PLEKHA5: variants seen among roughly 807,000 people sequenced by gnomAD.
PLEKHA5 encodes the protein pleckstrin homology domain-containing family A member 5.
PLEKHA5 carries 55 observed loss-of-function variants against 181.9 expected under a neutral mutation model. The observed-to-expected ratio is 0.30, with a 90% confidence interval of 0.24 to 0.38. The LOEUF is 0.38. PLEKHA5 is among the 10% of genes least tolerant of loss of function. The probability of loss-of-function intolerance (pLI) is 1.00; values close to 1 mark genes in which losing one functional copy is unlikely to be tolerated. For synonymous variants in PLEKHA5, 535 were observed against 529.4 expected, an observed-to-expected ratio of 1.01 and a Z score of -0.15; for missense variants, 1,432 against 1,549.5, an observed-to-expected ratio of 0.92 and a Z score of 1.27.
At chr12:19,276,160 A>G (rs912846126) in intron 11 of PLEKHA5, among the ~76,000 whole-genome samples, 7 of 152,202 alleles carry the variant, frequency 4.6e-5, no homozygotes, top group African/African-American at 1.7e-4. Flanking sequence ...GAATCAAAAG[A>G]AATCCAGTAT....
intron 3 of PLEKHA5, among the ~76,000 whole-genome samples, chr12:19,175,908 A>G (rs184295054): frequency 1.9e-4 from 29 of 152,318 alleles, no homozygotes; most frequent in African/African-American, 6.3e-4. Context: ...TTCACAATCA[A>G]TAGGATTCTG....
At chr12:19,305,329 G>T (rs758641648) in intron 15 of PLEKHA5, among the ~76,000 whole-genome samples, 3 of 151,028 alleles carry the variant, frequency 2.0e-5, no homozygotes, top group African/African-American at 7.3e-5. Context: ...TTGGGAGGCC[G>T]AGGAGGGCAG....
At chr12:19,170,735 T>A (rs1031862096) in intron 3 of PLEKHA5, among the ~76,000 whole-genome samples, 3 of 152,212 alleles carry the variant, frequency 2.0e-5, no homozygotes, top group African/African-American at 7.2e-5. Context: ...TAATTTTATA[T>A]TTAACTGACT....
chr12:19,359,312 G>T, intron 27 of PLEKHA5, 100 bp from the exon 28 acceptor site: 1 of 1,010,442 alleles, frequency 9.9e-7, no homozygotes, highest in South Asian at 2.0e-5. Context: ...CATGAGTGGA[G>T]ATCCAGCTTT....
chr12:19,286,854 T>C (rs2152820751), intron 12 of PLEKHA5, among the ~76,000 whole-genome samples: 1 of 151,498 alleles, frequency 6.6e-6, no homozygotes, highest in South Asian at 2.1e-4. Flanking sequence ...TAATCCCAGC[T>C]ACTTGAGAGG....
intron 20 of PLEKHA5, among the ~76,000 whole-genome samples, chr12:19,331,291 C>T (rs1198569790): frequency 6.6e-6 from 1 of 152,026 alleles, no homozygotes; most frequent in African/African-American, 2.4e-5. Context: ...TGTAAATTGC[C>T]ATTGATTTTA....
intron 20 of PLEKHA5, among the ~76,000 whole-genome samples, chr12:19,334,817 A>AC (rs2093200559): frequency 1.2e-4 from 1 of 8,248 alleles, no homozygotes; most frequent in African/African-American, 2.7e-4. Flanking sequence ...TCCTGTCTTC[A>AC]CAAAAAAAAA....
At chr12:19,159,657 G>A (rs1294769427) in intron 3 of PLEKHA5, among the ~76,000 whole-genome samples, 3 of 152,022 alleles carry the variant, frequency 2.0e-5, no homozygotes, top group African/African-American at 4.8e-5. Flanking sequence ...ACTTTTAAAT[G>A]TCTTTTCTAG....
chr12:19,200,072 G>A (rs765685747), intron 3 of PLEKHA5, among the ~76,000 whole-genome samples: 16 of 151,930 alleles, frequency 1.1e-4, no homozygotes, highest in Non-Finnish European at 2.4e-4. Flanking sequence ...AGCAGAGTAG[G>A]GTGACTATAG....
At chr12:19,312,211 C>T (rs1217324966) in intron 15 of PLEKHA5, among the ~76,000 whole-genome samples, 1 of 152,142 alleles carries the variant, frequency 6.6e-6, no homozygotes, top group Non-Finnish European at 1.5e-5. Flanking sequence ...TTTTTTGGAG[C>T]ATAAGCAAAG....
intron 6 of PLEKHA5, among the ~76,000 whole-genome samples, chr12:19,258,962 C>T (rs920429696): frequency 1.3e-5 from 2 of 152,176 alleles, no homozygotes; most frequent in African/African-American, 2.4e-5. Context: ...GAGCCTCATA[C>T]CCTAATGGCA....
intron 15 of PLEKHA5, among the ~76,000 whole-genome samples, chr12:19,309,925 CTG>C (rs1382478194): frequency 1.3e-5 from 2 of 152,142 alleles, no homozygotes; most frequent in Non-Finnish European, 2.9e-5. Flanking sequence ...AGGCTACAGT[CTG>C]TGCCATGTTG....
intron 3 of PLEKHA5, among the ~76,000 whole-genome samples, chr12:19,164,197 G>GTTTTTTTT (rs59712166): frequency 4.3e-5 from 4 of 92,816 alleles, no homozygotes; most frequent in Admixed American, 1.3e-4. Flanking sequence ...AGATGTTTTT[G>GTTTTTTTT]TTTTTTTTTT....
intron 10 of PLEKHA5, among the ~76,000 whole-genome samples, chr12:19,270,785 A>G (rs963994919): frequency 3.3e-5 from 5 of 152,174 alleles, no homozygotes; most frequent in African/African-American, 9.7e-5. Flanking sequence ...AAAGATGCTA[A>G]TGTGCATCTT....
chr12:19,318,425 G>A (rs1274598428), intron 16 of PLEKHA5, among the ~76,000 whole-genome samples: 1 of 151,918 alleles, frequency 6.6e-6, no homozygotes, highest in South Asian at 2.1e-4. Flanking sequence ...TCTGCAATAA[G>A]ATTCCCCAAA....
chr12:19,314,179 C>G (rs11044487), intron 15 of PLEKHA5, among the ~76,000 whole-genome samples: 1 of 152,230 alleles, frequency 6.6e-6, no homozygotes, highest in Admixed American at 6.5e-5. Context: ...TGGTTTCAGA[C>G]TACCTTTTTA....
intron 3 of PLEKHA5, among the ~76,000 whole-genome samples, chr12:19,213,797 G>A (rs191179591): frequency 1.1e-3 from 163 of 152,260 alleles, no homozygotes; most frequent in Middle Eastern, 3.4e-3. Flanking sequence ...GTGAGAGGGA[G>A]AACTGTTCTC....
intron 3 of PLEKHA5, among the ~76,000 whole-genome samples, chr12:19,179,416 G>T (rs1024102798): frequency 1.3e-5 from 2 of 152,190 alleles, no homozygotes; most frequent in African/African-American, 4.8e-5. Context: ...CAGCACTTTG[G>T]GAGGCTGAGG....
rs114771580 is a variant in PLEKHA5, at chr12:19,332,130, T to G, written c.2449-4385T>G. ...TGAAACCCCAAATTAAAAAATTATC[T>G]GGACATGGTGGTGCAAACCTGTAGT... On this transcript the variant is annotated intron_variant, in intron 20 of 31. Transcript: ENST00000429027. Among the ~76,000 whole-genome samples the G allele has an allele frequency of 3.0e-3, 449 of 151,836 alleles. 1 individual carries two copies. The highest frequency in any genetic ancestry group is 0.01 in the African/African-American group (432 of 41,412).
Sources: gnomAD v4.1 joint callset for allele counts (sites outside exome capture counted in the v4.1 genomes callset) on GRCh38, gnomAD v4.1.1 for gene constraint, MANE v1.5 for transcripts, NCBI Gene and HGNC (gene_info 2026-07-23, HGNC 2026-07-21) for gene names.